Variants in SLC8A1 observed in about 807,000 individuals in gnomAD.
SLC8A1 encodes sodium/calcium exchanger 1.
A neutral mutation model predicts 68.3 loss-of-function variants in SLC8A1; 18 were observed. That is an observed-to-expected ratio of 0.26 (90% CI 0.18 to 0.39). The LOEUF (loss-of-function observed/expected upper bound fraction) is 0.39. Among genes scored for constraint, SLC8A1 ranks in the 10% least tolerant of loss-of-function variants. The probability of loss-of-function intolerance (pLI) is 1.00; values close to 1 mark genes in which losing one functional copy is unlikely to be tolerated. For missense variants in SLC8A1, 985 were observed against 1,156.7 expected (o/e 0.85, Z 2.15); for synonymous variants, 475 against 415.5 (o/e 1.14, Z -1.74).
intron 2 of SLC8A1, among the ~76,000 whole-genome samples, chr2:40,288,205 T>C (rs1257087928): frequency 2.0e-5 from 3 of 152,150 alleles, no homozygotes; most frequent in Non-Finnish European, 4.4e-5. Flanking sequence ...CCCTCAAGAA[T>C]TGTTCCTAGG....
In SLC8A1 at chr2:40,264,419, TATTCA is replaced by T. The variant is rs1239094007; in HGVS notation, c.1809-86569_1809-86565del. ...TGCACACGTATGTTTATTGCGGCAC[TATTCA>T]CAATAGCAAAGACTTGGAACCAACC... On this transcript the variant is annotated intron_variant, in intron 2 of 7. Transcript: ENST00000406785. Among the ~76,000 whole-genome samples the T allele has an allele frequency of 8.5e-5, 13 of 152,222 alleles. No individual in the cohort carries two copies. In the East Asian group the frequency reaches 2.5e-3, roughly 29 times the overall value.
chr2:40,508,035 A>T (rs958074215), intron 1 of SLC8A1, among the ~76,000 whole-genome samples: 2 of 152,164 alleles, frequency 1.3e-5, no homozygotes, highest in Admixed American at 1.3e-4. Context: ...TTTGCATTAA[A>T]TTCAACAATA....
At chr2:40,381,921 T>C (rs1681938564) in intron 2 of SLC8A1, among the ~76,000 whole-genome samples, 1 of 151,978 alleles carries the variant, frequency 6.6e-6, no homozygotes, top group Non-Finnish European at 1.5e-5. Flanking sequence ...TACTTACATT[T>C]CTTCCCTGCT....
intron 2 of SLC8A1, among the ~76,000 whole-genome samples, chr2:40,383,008 G>A (rs887950416): frequency 6.6e-6 from 1 of 151,866 alleles, no homozygotes; most frequent in African/African-American, 2.4e-5. Context: ...ATTTATTGTT[G>A]ACATATAAAT....
chr2:40,338,143 T>C (rs1666577053), intron 2 of SLC8A1, among the ~76,000 whole-genome samples: 2 of 152,134 alleles, frequency 1.3e-5, no homozygotes. Flanking sequence ...CTTTATCCAA[T>C]AAGGCTACAA....
chr2:40,401,604 GC>G (rs1483172652), intron 2 of SLC8A1, among the ~76,000 whole-genome samples: 1 of 135,238 alleles, frequency 7.4e-6, no homozygotes, highest in African/African-American at 2.7e-5. Context: ...AGAAAAGAAA[GC>G]TTTGTGAGTT....
At chr2:40,420,130 T>C (rs1440535931) in intron 2 of SLC8A1, among the ~76,000 whole-genome samples, 2 of 152,128 alleles carry the variant, frequency 1.3e-5, no homozygotes, top group East Asian at 1.9e-4. Flanking sequence ...TTAAAAAATA[T>C]ATCTAAAAAT....
rs552792558 is a variant in SLC8A1 at position 40,353,827 on chromosome 2, T to G, written c.1808+74646A>C. On this transcript the variant is annotated intron_variant, in intron 2 of 7. Coordinates refer to ENST00000406785, the Ensembl canonical transcript of SLC8A1. The stretch of plus-strand genomic sequence containing the variant: ...TACCATCCTTCTACCTGCACACCCT[T>G]CAGTAGAGGTAAACCTCTTAAGGAG... Among the ~76,000 whole-genome samples, 61 of 152,252 alleles carry G rather than the reference T, an allele frequency of 4.0e-4. No homozygotes were observed. The South Asian group carries it at 0.013, about 32-fold the overall frequency.
At chr2:40,336,328 C>T (rs2149391845) in intron 2 of SLC8A1, among the ~76,000 whole-genome samples, 1 of 152,252 alleles carries the variant, frequency 6.6e-6, no homozygotes, top group Admixed American at 6.5e-5. Context: ...AATGAGTAAA[C>T]AAATTAATGA....
intron 2 of SLC8A1, among the ~76,000 whole-genome samples, chr2:40,219,195 A>T (rs935012616): frequency 3.9e-5 from 6 of 152,162 alleles, no homozygotes; most frequent in Non-Finnish European, 1.5e-5. Context: ...TAATCTTTAG[A>T]GGTGTGTGTT....
chr2:40,331,321 C>A (rs867003355), intron 2 of SLC8A1, among the ~76,000 whole-genome samples: 1 of 152,176 alleles, frequency 6.6e-6, no homozygotes, highest in Non-Finnish European at 1.5e-5. Context: ...CTTTTAACTT[C>A]ATTTTCTACA....
chr2:40,491,190 G>C (rs1203694310), intron 1 of SLC8A1, among the ~76,000 whole-genome samples: 1 of 152,108 alleles, frequency 6.6e-6, no homozygotes, highest in Admixed American at 6.6e-5. Context: ...TCCTTGAAAA[G>C]GTCCTTCACG....
chr2:40,249,558 C>A (rs2062413022), intron 2 of SLC8A1, among the ~76,000 whole-genome samples: 1 of 152,062 alleles, frequency 6.6e-6, no homozygotes, highest in African/African-American at 2.4e-5. Flanking sequence ...TTCTCTTCTC[C>A]CAATTCACAC....
chr2:40,101,099 T>A (rs1286747328), exon 8 of SLC8A1: 1 of 152,134 alleles, frequency 6.6e-6, no homozygotes, highest in Non-Finnish European at 1.5e-5. Context: ...ACCCACAATC[T>A]TAAGTTCCTT....
chr2:40,330,562 T>A (rs1238908936), intron 2 of SLC8A1, among the ~76,000 whole-genome samples: 1 of 152,124 alleles, frequency 6.6e-6, no homozygotes, highest in African/African-American at 2.4e-5. Context: ...AATTTACACA[T>A]CAGTCCATTA....
At chr2:40,428,341 C>T in intron 2 of SLC8A1, 132 bp downstream of exon 2, 1 of 1,373,106 alleles carries the variant, frequency 7.3e-7, no homozygotes, top group Non-Finnish European at 9.4e-7. Context: ...TGAAAGGGAT[C>T]TTGTATAAAA....
chr2:40,269,940 A>T (rs1445870502), intron 2 of SLC8A1, among the ~76,000 whole-genome samples: 1 of 152,168 alleles, frequency 6.6e-6, no homozygotes, highest in African/African-American at 2.4e-5. Flanking sequence ...TGCAGGGTGA[A>T]TGGCATATTT....
chr2:40,462,188 G>A (rs1481421801), intron 1 of SLC8A1, among the ~76,000 whole-genome samples: 1 of 151,320 alleles, frequency 6.6e-6, no homozygotes, highest in Non-Finnish European at 1.5e-5. Flanking sequence ...TGTATTTTTA[G>A]TAGAGATGGG....
chr2:40,293,225 T>A (rs1422803980), intron 2 of SLC8A1, among the ~76,000 whole-genome samples: 1 of 152,222 alleles, frequency 6.6e-6, no homozygotes, highest in Admixed American at 6.6e-5. Context: ...GCATTTGTAC[T>A]TTTGGTTCAT....
Sources: gnomAD v4.1 joint callset for allele counts (sites outside exome capture counted in the v4.1 genomes callset) on GRCh38, gnomAD v4.1.1 for gene constraint, MANE v1.5 for transcripts, NCBI Gene and HGNC (gene_info 2026-07-23, HGNC 2026-07-21) for gene names.